MKLN1: variants seen among roughly 807,000 people sequenced by gnomAD.
The protein encoded by MKLN1 is muskelin 1, also known as muskelin.
A neutral mutation model predicts 99.0 loss-of-function variants in MKLN1; 18 were observed. That is an observed-to-expected ratio of 0.18 (90% CI 0.13 to 0.27). The LOEUF (loss-of-function observed/expected upper bound fraction) is 0.27, where lower values mean the gene tolerates loss of function less well. Ranked by LOEUF, MKLN1 falls within the 10% of genes least tolerant of loss-of-function variation. The pLI is 1.00. For synonymous variants in MKLN1, 288 were observed against 293.2 expected (o/e 0.98, Z 0.18); for missense variants, 621 against 875.9 (o/e 0.71, Z 3.67).
intron 1 of MKLN1, among the ~76,000 whole-genome samples, chr7:131,121,187 A>T (rs995364041): frequency 2.0e-5 from 3 of 152,126 alleles, no homozygotes; most frequent in Admixed American, 6.5e-5. Flanking sequence ...CAAACAACAG[A>T]TCTCGTGAGA....
rs1491337640 is a variant in MKLN1, at chr7:131,192,152, TAC to T, written c.-296-10703_-296-10702del. On this transcript the variant is annotated intron_variant, in intron 2 of 7. Transcript: ENST00000416992. ...ATATAAAAATATATATACGTATATA[TAC>T]ATATATACTTATGTATAATATATAA... is the stretch of plus-strand genomic sequence containing the variant. 1.9e-4 allele frequency among the ~76,000 whole-genome samples: 23 copies of T among 121,834 alleles called. 5 individuals carry two copies. Among genetic ancestry groups the T allele is most frequent in the African/African-American group, 6.9e-4 (21 of 30,368 alleles). The allele number at this position is 121,834 out of a possible 152,430, so 79.9% of individuals were successfully genotyped here.
chr7:131,307,596 AAAG>A (rs1798486750), intron 3 of MKLN1, among the ~76,000 whole-genome samples: 2 of 152,218 alleles, frequency 1.3e-5, no homozygotes. Flanking sequence ...ACATGGAGTC[AAAG>A]GAGATTATTT....
intron 8 of MKLN1, among the ~76,000 whole-genome samples, chr7:131,423,799 CAGAA>C (rs1167327891): frequency 6.6e-6 from 1 of 152,130 alleles, no homozygotes; most frequent in Non-Finnish European, 1.5e-5. Flanking sequence ...ACACTGTTAA[CAGAA>C]AGAATTCTGA....
intron 1 of MKLN1, among the ~76,000 whole-genome samples, chr7:131,342,155 G>A (rs1340187989): frequency 1.4e-5 from 2 of 147,266 alleles, no homozygotes; most frequent in African/African-American, 5.1e-5. Flanking sequence ...ATTTTTTGTT[G>A]ATTTTTTTTT....
intron 8 of MKLN1, among the ~76,000 whole-genome samples, chr7:131,419,108 A>G (rs1241490575): frequency 6.6e-6 from 1 of 151,572 alleles, no homozygotes. Context: ...TGGCTATTTC[A>G]TGTTTGTTTA....
intron 13 of MKLN1, among the ~76,000 whole-genome samples, chr7:131,463,821 C>T (rs1000668314): frequency 6.6e-6 from 1 of 152,210 alleles, no homozygotes; most frequent in Non-Finnish European, 1.5e-5. Context: ...ATGGATCCAG[C>T]TCTGACATTC....
intron 11 of MKLN1, among the ~76,000 whole-genome samples, chr7:131,444,589 T>C (rs541457228): frequency 3.3e-5 from 5 of 152,058 alleles, no homozygotes; most frequent in Non-Finnish European, 5.9e-5. Flanking sequence ...TTATATCTTT[T>C]CTTTTTACCC....
In MKLN1 at chr7:131,432,445, G is replaced by T. The variant is rs1795552797; in HGVS notation, c.960+3300G>T. 2.6e-5 allele frequency among the ~76,000 whole-genome samples: 4 copies of T among 151,180 alleles called. No homozygotes were observed. In the South Asian group the frequency reaches 8.3e-4, roughly 31 times the overall value. On this transcript the variant is annotated intron_variant, in intron 9 of 17. Coordinates refer to ENST00000352689, the MANE Select transcript of MKLN1 (RefSeq NM_013255.5). ...ATTTTGATGAGAACACTTTCTGTTAGTTCAAAGTCAGTACAGATGAGTAAA... is the reference window on the plus strand; with the variant it reads ...ATTTTGATGAGAACACTTTCTGTTATTTCAAAGTCAGTACAGATGAGTAAA...
intron 16 of MKLN1, among the ~76,000 whole-genome samples, chr7:131,475,314 T>C (rs1022102232): frequency 6.6e-6 from 1 of 151,692 alleles, no homozygotes; most frequent in Admixed American, 6.6e-5. Flanking sequence ...AAATAGAAAA[T>C]CTTAAGGAAC....
intron 6 of MKLN1, among the ~76,000 whole-genome samples, chr7:131,409,249 C>A (rs1412593052): frequency 6.6e-6 from 1 of 152,080 alleles, no homozygotes; most frequent in African/African-American, 2.4e-5. Context: ...AGCAAGCCTA[C>A]CAAGGCAAAA....
intron 11 of MKLN1, 149 bp from the exon 12 acceptor site, chr7:131,445,625 T>G (rs1416006298): frequency 3.5e-6 from 2 of 567,076 alleles, no homozygotes; most frequent in South Asian, 3.0e-5. Flanking sequence ...TGTAGAGAGC[T>G]TCCTCTTTCC....
chr7:131,111,687 C>T (rs1795203517), intron 1 of MKLN1, among the ~76,000 whole-genome samples: 1 of 151,918 alleles, frequency 6.6e-6, no homozygotes, highest in Non-Finnish European at 1.5e-5. Context: ...ATTTCTTTTA[C>T]CCAGAATCTT....
chr7:131,470,728 T>C (rs1395383076), intron 15 of MKLN1, 114 bp from the exon 16 acceptor site: 3 of 696,260 alleles, frequency 4.3e-6, no homozygotes, highest in Non-Finnish European at 7.4e-6. Context: ...ATTTTCTAAA[T>C]ATCCAGAACA....
chr7:131,171,123 G>T (rs2116334057), intron 2 of MKLN1, among the ~76,000 whole-genome samples: 1 of 152,294 alleles, frequency 6.6e-6, no homozygotes. Context: ...GATACCAAGT[G>T]TTTGAAATCC....
intron 2 of MKLN1, among the ~76,000 whole-genome samples, chr7:131,162,065 AC>A (rs1219808606): frequency 2.1e-5 from 3 of 140,384 alleles, no homozygotes; most frequent in African/African-American, 7.8e-5. Flanking sequence ...TATGTATATC[AC>A]TCTGTTACCT....
At position 131,496,302 on chromosome 7, in the gene MKLN1, A is replaced by T. The variant is rs992532539; in HGVS notation, c.*8574A>T. 6.6e-6 allele frequency: 1 copy of T among 152,084 alleles called. No individual in the cohort carries two copies. Among genetic ancestry groups the T allele is most frequent in the Non-Finnish European group, 1.5e-5 (1 of 68,038 alleles). 9.4% of individuals were successfully genotyped at this position (152,084 alleles called of 1,614,324 possible). A position where few individuals can be genotyped will look rare whatever the true frequency, so the allele number is the denominator to read the frequency against. On this transcript the variant is annotated 3_prime_UTR_variant, in exon 18 of 18. Coordinates refer to ENST00000352689, the MANE Select transcript of MKLN1 (RefSeq NM_013255.5). ...TGAGCTGGTTGGAGCTTTTAAACAG[A>T]AGTGCTTTATGGGTATCAGATCTCT...
intron 3 of MKLN1, among the ~76,000 whole-genome samples, chr7:131,260,542 G>A (rs796240636): frequency 9.9e-5 from 15 of 152,212 alleles, no homozygotes; most frequent in African/African-American, 2.9e-4. Flanking sequence ...TGGCCACACT[G>A]CCCAGAGCAA....
chr7:131,152,410 T>C (rs1426449181), intron 2 of MKLN1, among the ~76,000 whole-genome samples: 1 of 152,192 alleles, frequency 6.6e-6, no homozygotes, highest in Non-Finnish European at 1.5e-5. Context: ...TAATACAATT[T>C]TTTAGTAGTA....
At chr7:131,152,991 G>A (rs1563232744) in intron 2 of MKLN1, among the ~76,000 whole-genome samples, 2 of 150,108 alleles carry the variant, frequency 1.3e-5, no homozygotes, top group South Asian at 2.1e-4. Flanking sequence ...AGCTCAACAT[G>A]TTCCTCTGTA....
Sources: gnomAD v4.1 joint callset for allele counts (sites outside exome capture counted in the v4.1 genomes callset) on GRCh38, gnomAD v4.1.1 for gene constraint, MANE v1.5 for transcripts, NCBI Gene and HGNC (gene_info 2026-07-23, HGNC 2026-07-21) for gene names.